The following SCAF8 variants were observed in gnomAD, a reference collection of about 807,000 sequenced individuals.
SCAF8 encodes SR-related and CTD-associated factor 8.
A neutral mutation model predicts 140.5 loss-of-function variants in SCAF8; 23 were observed. That is an observed-to-expected ratio of 0.16 (90% confidence interval 0.12 to 0.23). SCAF8 has a LOEUF of 0.23. SCAF8 is among the 10% of genes least tolerant of loss of function. The pLI, the probability that SCAF8 is intolerant of heterozygous loss-of-function variation, is 1.00. For missense variants in SCAF8, 1,397 were observed against 1,555.7 expected, an observed-to-expected ratio of 0.90 and a Z score of 1.72; for synonymous variants, 575 against 528.9, an observed-to-expected ratio of 1.09 and a Z score of -1.20.
At chr6:154,749,002 C>G (rs981929446) in intron 1 of SCAF8, among the ~76,000 whole-genome samples, 1 of 152,068 alleles carries the variant, frequency 6.6e-6, no homozygotes, top group African/African-American at 2.4e-5. Context: ...AGTGCAGTGG[C>G]GCCATCTTGG....
At chr6:154,827,144 A>AT (rs763883351) in intron 17 of SCAF8, 28 bp from the exon 18 acceptor site, 6 of 1,576,924 alleles carry the variant, frequency 3.8e-6, no homozygotes, top group South Asian at 1.2e-5. Flanking sequence ...TTCTTGTGCT[A>AT]TTTTTTGGGG....
At chr6:154,773,615 T>C (rs762090025) in intron 1 of SCAF8, among the ~76,000 whole-genome samples, 1 of 152,222 alleles carries the variant, frequency 6.6e-6, no homozygotes, top group African/African-American at 2.4e-5. Context: ...TCAGTTCTCT[T>C]GGGTACATAC....
chr6:154,761,686 G>A (rs184814402), intron 1 of SCAF8, among the ~76,000 whole-genome samples: 2 of 152,032 alleles, frequency 1.3e-5, no homozygotes. Context: ...ATATTGCTGT[G>A]TCATTAGAAG....
In SCAF8 at chr6:154,792,910, G is replaced by A. The variant is rs754593301; in HGVS notation, c.409G>A (p.Gly137Arg). ...IIQPLLDMAA[G>R]IPPPVVTPVL... is the part of the protein sequence containing the mutation. ...TCAGCCCCTTTTGGATATGGCAGCC[G>A]GGATTCCGCCTCCAGTTGTCACACC... The change falls in exon 5 of 20, where the codon GGG (glycine) becomes AGG (arginine). Residue 137 changes from glycine to arginine, a missense_variant. This residue lies in a region of SCAF8 where 339 missense variants were observed against 407.5 expected (regional missense o/e 0.83). Transcript: ENST00000367178. The A allele has an allele frequency of 5.0e-6, 8 of 1,613,812 alleles. No homozygotes were observed. The highest frequency in any genetic ancestry group is 6.8e-6 in the Non-Finnish European group (8 of 1,179,850).
intron 3 of SCAF8, 115 bp from the exon 4 acceptor site, chr6:154,787,746 A>G: frequency 3.8e-6 from 3 of 788,592 alleles, no homozygotes; most frequent in South Asian, 1.9e-5. Context: ...ATGAATATTC[A>G]TTACCATAGC....
chr6:154,817,418 T>G (rs1226875503), intron 13 of SCAF8, among the ~76,000 whole-genome samples: 1 of 152,232 alleles, frequency 6.6e-6, no homozygotes, highest in Admixed American at 6.5e-5. Flanking sequence ...ATAGTACTTA[T>G]AAATAATAAG....
At chr6:154,771,570 G>A (rs972651279) in intron 1 of SCAF8, among the ~76,000 whole-genome samples, 1 of 152,200 alleles carries the variant, frequency 6.6e-6, no homozygotes. Flanking sequence ...TAGTAGGAGT[G>A]GGTGAGTGTC....
chr6:154,784,134 T>G (rs1408550820), intron 3 of SCAF8, among the ~76,000 whole-genome samples: 4 of 77,126 alleles, frequency 5.2e-5, no homozygotes, highest in African/African-American at 3.2e-4. Flanking sequence ...TATATATATA[T>G]ATATATATAT....
At chr6:154,753,646 T>C (rs1778895259) in intron 1 of SCAF8, among the ~76,000 whole-genome samples, 1 of 152,134 alleles carries the variant, frequency 6.6e-6, no homozygotes, top group Admixed American at 6.5e-5. Flanking sequence ...CTATTTTATA[T>C]ATATACATGT....
At chr6:154,753,729 G>C (rs1188067711) in intron 1 of SCAF8, among the ~76,000 whole-genome samples, 1 of 152,214 alleles carries the variant, frequency 6.6e-6, no homozygotes, top group Non-Finnish European at 1.5e-5. Flanking sequence ...CTGGAAGGTG[G>C]CCTACCAGCC....
intron 6 of SCAF8, among the ~76,000 whole-genome samples, chr6:154,795,582 A>G (rs1404228388): frequency 6.6e-6 from 1 of 152,222 alleles, no homozygotes; most frequent in Non-Finnish European, 1.5e-5. Flanking sequence ...CGGATAGCCA[A>G]CAGGAGGTGT....
chr6:154,833,868 A>G lies in SCAF8; in HGVS notation c.*473A>G, dbSNP rs978427791. 6.5e-6 allele frequency: 1 copy of G among 152,724 alleles called. No individual in the cohort carries two copies. Among genetic ancestry groups the G allele is most frequent in the Non-Finnish European group, 1.5e-5 (1 of 68,248 alleles). 9.5% of individuals were successfully genotyped at this position (152,724 alleles called of 1,614,324 possible). A position where few individuals can be genotyped will look rare whatever the true frequency, so the allele number is the denominator to read the frequency against. On this transcript the variant is annotated 3_prime_UTR_variant, in exon 20 of 20. Coordinates refer to ENST00000367178, the MANE Select transcript of SCAF8 (RefSeq NM_014892.5). The stretch of plus-strand genomic sequence containing the variant: ...TCTAGGTATTTGAGGAGCACAATAC[A>G]GAGATTTTAAAAAGTGATTTTGTAA...
chr6:154,775,381 GATC>G (rs1248847119), intron 2 of SCAF8, among the ~76,000 whole-genome samples: 10 of 152,282 alleles, frequency 6.6e-5, no homozygotes, highest in Non-Finnish European at 1.2e-4. Flanking sequence ...TGATTTTTAT[GATC>G]ATGATCATTT....
At chr6:154,803,505 G>A in intron 7 of SCAF8, 39 bp from the exon 8 acceptor site, 1 of 1,394,824 alleles carries the variant, frequency 7.2e-7, no homozygotes, top group Non-Finnish European at 1.0e-6. Flanking sequence ...TTTGTGTGAA[G>A]CACTTTTTAA....
At chr6:154,741,902 C>A in intron 1 of SCAF8, 1 of 1,238,294 alleles carries the variant, frequency 8.1e-7, no homozygotes, top group Non-Finnish European at 1.1e-6. Flanking sequence ...TTTAAGTGAG[C>A]TCATTTTGTC....
intron 1 of SCAF8, among the ~76,000 whole-genome samples, chr6:154,753,312 C>T (rs1022627226): frequency 2.0e-5 from 3 of 152,042 alleles, no homozygotes; most frequent in Admixed American, 6.6e-5. Context: ...CTAAAAAATA[C>T]AAAAATTAGC....
intron 6 of SCAF8, among the ~76,000 whole-genome samples, chr6:154,798,424 C>T (rs796540167): frequency 1.3e-4 from 19 of 151,492 alleles, no homozygotes; most frequent in African/African-American, 4.6e-4. Context: ...AAACCTGCTC[C>T]ACCTGCATCT....
chr6:154,796,389 C>CTCTCTCTCTCTCTCTCTCTCTCTGTCCG (rs376622207), intron 6 of SCAF8, among the ~76,000 whole-genome samples: 2 of 140,968 alleles, frequency 1.4e-5, no homozygotes, highest in African/African-American at 5.5e-5. Context: ...CTCTCTCTCT[C>CTCTCTCTCTCTCTCTCTCTCTCTGTCCG]TCTGTCTCTC....
chr6:154,817,937 AAAAT>A (rs1288653836), intron 13 of SCAF8, among the ~76,000 whole-genome samples: 2 of 152,340 alleles, frequency 1.3e-5, no homozygotes, highest in Admixed American at 1.3e-4. Flanking sequence ...GCACTTGAAC[AAAAT>A]AAAGTTTTAT....
Sources: gnomAD v4.1 joint callset for allele counts (sites outside exome capture counted in the v4.1 genomes callset) on GRCh38, gnomAD v4.1.1 for gene constraint, gnomAD v4.1.1 regional missense constraint, MANE v1.5 for transcripts, NCBI Gene and HGNC (gene_info 2026-07-23, HGNC 2026-07-21) for gene names.